The following FILIP1L variants were observed in gnomAD, a reference collection of about 807,000 sequenced individuals.
FILIP1L encodes the protein filamin A-interacting protein 1-like.
A neutral mutation model predicts 96.6 loss-of-function variants in FILIP1L; 55 were observed. That is an observed-to-expected ratio of 0.57 (90% CI 0.46 to 0.71). The LOEUF (loss-of-function observed/expected upper bound fraction) is 0.71, where lower values mean the gene tolerates loss of function less well. Ranked by LOEUF, FILIP1L falls within the 30% of genes least tolerant of loss-of-function variation. The pLI is 0.00. For synonymous variants in FILIP1L, 467 were observed against 473.9 expected (o/e 0.99, Z 0.19); for missense variants, 1,304 against 1,321.2 (o/e 0.99, Z 0.20).
At chr3:99,855,198 AAAG>A (rs1487088569) in intron 4 of FILIP1L, among the ~76,000 whole-genome samples, 1 of 152,144 alleles carries the variant, frequency 6.6e-6, no homozygotes, top group Non-Finnish European at 1.5e-5. Flanking sequence ...CATTTTTTTC[AAAG>A]AAGATACCAG....
At chr3:99,854,930 G>A (rs750092208) in intron 4 of FILIP1L, among the ~76,000 whole-genome samples, 11 of 152,138 alleles carry the variant, frequency 7.2e-5, no homozygotes, top group Non-Finnish European at 1.3e-4. Flanking sequence ...AATCACATAG[G>A]AATCTTGTTA....
chr3:100,040,332 T>C (rs1700597731), intron 1 of FILIP1L: 1 of 152,244 alleles, frequency 6.6e-6, no homozygotes, highest in Admixed American at 6.5e-5. Flanking sequence ...AAATAAATAC[T>C]ATTTATCCAG....
At chr3:99,939,946 T>G (rs1266258974) in intron 1 of FILIP1L, among the ~76,000 whole-genome samples, 2 of 152,232 alleles carry the variant, frequency 1.3e-5, no homozygotes, top group Non-Finnish European at 2.9e-5. Flanking sequence ...TTGGAAGTGT[T>G]CTTTGGTTTC....
intron 1 of FILIP1L, among the ~76,000 whole-genome samples, chr3:100,014,701 T>C (rs1250708414): frequency 6.6e-6 from 1 of 151,970 alleles, no homozygotes; most frequent in Non-Finnish European, 1.5e-5. Flanking sequence ...GCTATTGAGT[T>C]CTTTGAGTTC....
chr3:100,025,936 G>A, intron 1 of FILIP1L, among the ~76,000 whole-genome samples: 1 of 152,114 alleles, frequency 6.6e-6, no homozygotes, highest in East Asian at 1.9e-4. Context: ...TCCCTTGTTT[G>A]GAAAGCACAG....
intron 4 of FILIP1L, among the ~76,000 whole-genome samples, chr3:99,884,466 A>G (rs1438594519): frequency 6.6e-6 from 1 of 152,190 alleles, no homozygotes. Flanking sequence ...CTCTATAAAG[A>G]AGTTCCAGGG....
At chr3:100,071,037 G>T (rs1200489048) in intron 1 of FILIP1L, among the ~76,000 whole-genome samples, 1 of 135,606 alleles carries the variant, frequency 7.4e-6, no homozygotes, top group African/African-American at 2.7e-5. Context: ...AATAAGCCAA[G>T]TTCTTTTTTT....
chr3:100,042,701 G>A (rs1559736992), intron 1 of FILIP1L, among the ~76,000 whole-genome samples: 1 of 151,990 alleles, frequency 6.6e-6, no homozygotes, highest in Non-Finnish European at 1.5e-5. Context: ...TAGAGAACAG[G>A]TTTTTTTTCT....
chr3:99,912,618 T>C (rs1443991286), intron 4 of FILIP1L, among the ~76,000 whole-genome samples: 2 of 152,160 alleles, frequency 1.3e-5, no homozygotes, highest in African/African-American at 4.8e-5. Context: ...GCTCAAGCAG[T>C]CCACCTGCCT....
At chr3:100,056,702 A>G (rs951933389) in intron 1 of FILIP1L, among the ~76,000 whole-genome samples, 1 of 102,100 alleles carries the variant, frequency 9.8e-6, no homozygotes. Flanking sequence ...CTAGACCATT[A>G]AAAAAAAAAA....
At chr3:100,011,428 T>C (rs1167981645) in intron 1 of FILIP1L, among the ~76,000 whole-genome samples, 9 of 152,174 alleles carry the variant, frequency 5.9e-5, no homozygotes, top group African/African-American at 1.9e-4. Flanking sequence ...AAAGATATAA[T>C]TTAAAACACC....
At chr3:99,927,249 AG>A (rs1392898994) in intron 3 of FILIP1L, among the ~76,000 whole-genome samples, 1 of 152,222 alleles carries the variant, frequency 6.6e-6, no homozygotes, top group East Asian at 1.9e-4. Context: ...TAAATTTAAA[AG>A]CTTAATTATA....
intron 1 of FILIP1L, among the ~76,000 whole-genome samples, chr3:99,970,644 T>G (rs1023153251): frequency 2.0e-5 from 3 of 152,148 alleles, no homozygotes; most frequent in Non-Finnish European, 2.9e-5. Flanking sequence ...CACAAGAGTT[T>G]AAAAAGAGCA....
chr3:99,882,831 A>G (rs1705772705), intron 4 of FILIP1L, among the ~76,000 whole-genome samples: 1 of 152,200 alleles, frequency 6.6e-6, no homozygotes, highest in Admixed American at 6.5e-5. Flanking sequence ...TGTCTACTTT[A>G]TGGATTAGAA....
chr3:99,884,886 CTA>C (rs1050788036), intron 4 of FILIP1L, among the ~76,000 whole-genome samples: 22 of 152,174 alleles, frequency 1.4e-4, no homozygotes, highest in African/African-American at 5.3e-4. Context: ...TGTCCAGAAA[CTA>C]TTTTTTTCCT....
chr3:99,917,126 C>T (rs926380863), intron 4 of FILIP1L, among the ~76,000 whole-genome samples: 1 of 152,114 alleles, frequency 6.6e-6, no homozygotes, highest in African/African-American at 2.4e-5. Flanking sequence ...TAGTAACCAC[C>T]AGCTAGTTAG....
In FILIP1L at chr3:99,910,792, T is replaced by A. The variant is rs367810026; in HGVS notation, c.605+13438A>T. 3.3e-4 allele frequency among the ~76,000 whole-genome samples: 50 copies of A among 152,278 alleles called. 3 individuals carry two copies. Among genetic ancestry groups the A allele is most frequent in the African/African-American group, 1.2e-3 (50 of 41,572 alleles). On this transcript the variant is annotated intron_variant, in intron 4 of 5. Coordinates refer to ENST00000477258, the MANE Select transcript of FILIP1L (RefSeq NM_001387850.1). Reference sequence around the variant, plus strand: ...TAGATAACTAGAATATTTATGCCCATTTTATAGATGGAAGCATCAACACAT... The same window carrying A: ...TAGATAACTAGAATATTTATGCCCAATTTATAGATGGAAGCATCAACACAT...
intron 1 of FILIP1L, among the ~76,000 whole-genome samples, chr3:99,933,054 A>T (rs1203711084): frequency 6.6e-6 from 1 of 152,214 alleles, no homozygotes; most frequent in Admixed American, 6.6e-5. Flanking sequence ...TCTCCATTTT[A>T]CAGTGAACAA....
chr3:99,974,981 A>G (rs1708926880), intron 1 of FILIP1L, among the ~76,000 whole-genome samples: 1 of 152,172 alleles, frequency 6.6e-6, no homozygotes, highest in African/African-American at 2.4e-5. Flanking sequence ...TACCATTTTC[A>G]CAAGTTCATT....
Sources: gnomAD v4.1 joint callset for allele counts (sites outside exome capture counted in the v4.1 genomes callset) on GRCh38, gnomAD v4.1.1 for gene constraint, MANE v1.5 for transcripts, NCBI Gene and HGNC (gene_info 2026-07-23, HGNC 2026-07-21) for gene names.